Variants in FGGY observed in about 807,000 individuals in gnomAD.
FGGY encodes FGGY carbohydrate kinase domain-containing protein.
In FGGY, 72 loss-of-function variants were observed where a neutral mutation model predicts 71.3. That is an observed-to-expected ratio of 1.01 (90% CI 0.84 to 1.23). FGGY has a LOEUF of 1.23. Ranked by LOEUF, FGGY falls within the 50% of genes most tolerant of loss-of-function variation. FGGY has a pLI of 0.00. For missense variants in FGGY, 668 were observed against 682.3 expected (o/e 0.98, Z 0.23); for synonymous variants, 251 against 250.3 (o/e 1.00, Z -0.02).
At chr1:59,464,194 A>G (rs1199322449) in intron 6 of FGGY, among the ~76,000 whole-genome samples, 1 of 152,248 alleles carries the variant, frequency 6.6e-6, no homozygotes, top group Non-Finnish European at 1.5e-5. Context: ...TCAAATTGGA[A>G]CTCAGGATTA....
At chr1:59,331,666 T>C (rs1383944298) in intron 2 of FGGY, among the ~76,000 whole-genome samples, 1 of 152,186 alleles carries the variant, frequency 6.6e-6, no homozygotes, top group Non-Finnish European at 1.5e-5. Context: ...GGGTATTGTC[T>C]ATCCCTACTA....
At chr1:59,578,563 G>C (rs535523376) in intron 8 of FGGY, among the ~76,000 whole-genome samples, 1 of 152,074 alleles carries the variant, frequency 6.6e-6, no homozygotes, top group Non-Finnish European at 1.5e-5. Context: ...TAGCCAAAAT[G>C]GGAGTTTTAA....
chr1:59,458,651 T>G (rs2091929140), intron 6 of FGGY, among the ~76,000 whole-genome samples: 1 of 152,178 alleles, frequency 6.6e-6, no homozygotes, highest in Non-Finnish European at 1.5e-5. Context: ...ATTTCCAGAG[T>G]AACTTTATTA....
At chr1:59,668,711 G>A (rs1038937697) in intron 13 of FGGY, among the ~76,000 whole-genome samples, 2 of 152,098 alleles carry the variant, frequency 1.3e-5, no homozygotes, top group East Asian at 3.9e-4. Flanking sequence ...AGCCGGGCAC[G>A]GTGGCTCACG....
intron 4 of FGGY, among the ~76,000 whole-genome samples, chr1:59,361,241 T>C (rs2055448472): frequency 6.6e-6 from 1 of 152,208 alleles, no homozygotes; most frequent in Admixed American, 6.5e-5. Flanking sequence ...CCAGACACTT[T>C]GTTAAATATT....
intron 6 of FGGY, among the ~76,000 whole-genome samples, chr1:59,470,741 A>G (rs1444730143): frequency 6.6e-6 from 1 of 152,212 alleles, no homozygotes; most frequent in East Asian, 1.9e-4. Context: ...GTGTTGTAAA[A>G]TCCTTTTAGA....
chr1:59,343,508 C>T (rs1329813534), intron 3 of FGGY, among the ~76,000 whole-genome samples: 3 of 152,170 alleles, frequency 2.0e-5, no homozygotes, highest in African/African-American at 7.2e-5. Context: ...GCTCTTTGCT[C>T]CTCCTCCACA....
intron 11 of FGGY, 70 bp from the exon 12 acceptor site, chr1:59,660,149 A>T (rs1205248149): frequency 1.5e-6 from 2 of 1,367,076 alleles, no homozygotes; most frequent in African/African-American, 2.9e-5. Flanking sequence ...AACGTATTTC[A>T]TGGGAACTAT....
intron 8 of FGGY, among the ~76,000 whole-genome samples, chr1:59,554,584 G>A (rs2050165528): frequency 6.6e-6 from 1 of 152,162 alleles, no homozygotes; most frequent in South Asian, 2.1e-4. Context: ...TCGGCAAAGA[G>A]TGTCTGTTTT....
intron 4 of FGGY, among the ~76,000 whole-genome samples, chr1:59,359,916 T>C (rs2055098489): frequency 6.6e-6 from 1 of 152,124 alleles, no homozygotes; most frequent in Non-Finnish European, 1.5e-5. Context: ...GGCTCTATCC[T>C]ACCTGGCCTC....
chr1:59,456,589 G>C (rs2091720720), intron 5 of FGGY, among the ~76,000 whole-genome samples: 1 of 151,818 alleles, frequency 6.6e-6, no homozygotes, highest in Non-Finnish European at 1.5e-5. Flanking sequence ...GCTGGGACTA[G>C]AGGCATCCAC....
At chr1:59,595,717 A>AT (rs2096515391) in intron 8 of FGGY, among the ~76,000 whole-genome samples, 1 of 152,032 alleles carries the variant, frequency 6.6e-6, no homozygotes, top group South Asian at 2.1e-4. Context: ...AAATAAATAA[A>AT]AACCACAATC....
At chr1:59,643,934 G>A (rs1292926477) in intron 11 of FGGY, among the ~76,000 whole-genome samples, 1 of 152,196 alleles carries the variant, frequency 6.6e-6, no homozygotes, top group African/African-American at 2.4e-5. Flanking sequence ...CTTTTAGGAT[G>A]CAAACTCTGG....
At chr1:59,601,366 A>G (rs1010763326) in intron 8 of FGGY, among the ~76,000 whole-genome samples, 2 of 152,190 alleles carry the variant, frequency 1.3e-5, no homozygotes, top group Non-Finnish European at 2.9e-5. Flanking sequence ...TTGTCACCAC[A>G]GGGAAACTCG....
chr1:59,681,944 A>T (rs2097504611), intron 14 of FGGY, among the ~76,000 whole-genome samples: 1 of 152,222 alleles, frequency 6.6e-6, no homozygotes, highest in Non-Finnish European at 1.5e-5. Flanking sequence ...AACAAAAGAA[A>T]TCATAATTAT....
intron 12 of FGGY, among the ~76,000 whole-genome samples, chr1:59,662,425 C>T (rs2097285540): frequency 6.6e-6 from 1 of 152,034 alleles, no homozygotes; most frequent in South Asian, 2.1e-4. Flanking sequence ...AATTCCTATT[C>T]CACAAACTAG....
chr1:59,374,978 G>A (rs954923511), intron 4 of FGGY, among the ~76,000 whole-genome samples: 1 of 151,258 alleles, frequency 6.6e-6, no homozygotes. Context: ...TGACGAGTTA[G>A]TGGGTGCAGC....
intron 4 of FGGY, among the ~76,000 whole-genome samples, chr1:59,369,485 G>T (rs1318045260): frequency 9.2e-5 from 14 of 152,194 alleles, no homozygotes. Context: ...TGGGGGCAGG[G>T]CACAGACAAA....
At chr1:59,595,021 T>A (rs2096503020) in intron 8 of FGGY, among the ~76,000 whole-genome samples, 2 of 152,184 alleles carry the variant, frequency 1.3e-5, no homozygotes, top group Non-Finnish European at 2.9e-5. Context: ...GTTCCACTGA[T>A]GCCCCTGCAT....
Sources: allele counts gnomAD v4.1 joint callset (sites outside exome capture counted in the v4.1 genomes callset), GRCh38; gene constraint gnomAD v4.1.1; transcripts MANE v1.5; gene names NCBI Gene and HGNC (gene_info 2026-07-23, HGNC 2026-07-21).